SORCS3: variants seen among roughly 807,000 people sequenced by gnomAD.
SORCS3 encodes the protein sortilin related VPS10 domain containing receptor 3.
A neutral mutation model predicts 146.3 loss-of-function variants in SORCS3; 57 were observed. The observed-to-expected ratio is 0.39, with a 90% CI of 0.31 to 0.49. The LOEUF (loss-of-function observed/expected upper bound fraction) is 0.49, where lower values mean the gene tolerates loss of function less well. SORCS3 is among the 20% of genes least tolerant of loss of function. SORCS3 has a pLI of 0.92. For synonymous variants in SORCS3, 653 were observed against 618.5 expected, an observed-to-expected ratio of 1.06 and a Z score of -0.83; for missense variants, 1,341 against 1,575.5, an observed-to-expected ratio of 0.85 and a Z score of 2.52.
chr10:104,720,665 C>A (rs532114280), intron 1 of SORCS3, among the ~76,000 whole-genome samples: 38 of 152,176 alleles, frequency 2.5e-4, no homozygotes, highest in South Asian at 1.0e-3. Context: ...AATGATCGCC[C>A]TTCTAACTGG....
intron 7 of SORCS3, among the ~76,000 whole-genome samples, chr10:105,116,485 A>G (rs1027659847): frequency 1.3e-5 from 2 of 152,204 alleles, no homozygotes; most frequent in Non-Finnish European, 2.9e-5. Flanking sequence ...GCAATTTCTC[A>G]AAGAACTTAA....
chr10:104,763,469 G>A (rs2017144786), intron 1 of SORCS3, among the ~76,000 whole-genome samples: 1 of 152,158 alleles, frequency 6.6e-6, no homozygotes, highest in South Asian at 2.1e-4. Context: ...AGGATTTACT[G>A]TTCATTCAGC....
At chr10:104,972,973 T>C (rs2054870110) in intron 3 of SORCS3, among the ~76,000 whole-genome samples, 3 of 152,196 alleles carry the variant, frequency 2.0e-5, no homozygotes, top group Admixed American at 2.0e-4. Context: ...TTGTCTTTGG[T>C]TCTGTTTATA....
intron 5 of SORCS3, among the ~76,000 whole-genome samples, chr10:105,047,417 C>G (rs1391162799): frequency 1.3e-5 from 2 of 152,098 alleles, no homozygotes; most frequent in Non-Finnish European, 2.9e-5. Flanking sequence ...CTTAATTATT[C>G]TTTCTCTTGA....
intron 12 of SORCS3, among the ~76,000 whole-genome samples, chr10:105,164,623 A>G (rs2056297069): frequency 6.6e-6 from 1 of 152,188 alleles, no homozygotes; most frequent in African/African-American, 2.4e-5. Flanking sequence ...TCCTTCAGCC[A>G]TATGTATGTA....
chr10:105,263,928 CT>C lies in SORCS3; in HGVS notation c.*559del, dbSNP rs1179267644. 6.5e-6 allele frequency: 1 copy of C among 152,680 alleles called. No homozygotes were observed. The highest frequency in any genetic ancestry group is 1.5e-5 in the Non-Finnish European group (1 of 68,122). 9.5% of individuals were successfully genotyped at this position (152,680 alleles called of 1,614,324 possible). ...TTGTATATAATTACAATGTAAATAG[CT>C]TTTTATTTCCTAAGAAATAATTTAA... On this transcript the variant is annotated 3_prime_UTR_variant, in exon 27 of 27. Transcript: ENST00000369701.
intron 1 of SORCS3, among the ~76,000 whole-genome samples, chr10:104,693,038 G>T (rs1253765734): frequency 7.2e-5 from 11 of 152,202 alleles, no homozygotes; most frequent in Admixed American, 7.2e-4. Flanking sequence ...TACCCCAGGG[G>T]CATTCCTCAT....
At chr10:104,896,084 A>G (rs1022599689) in intron 2 of SORCS3, among the ~76,000 whole-genome samples, 8 of 152,142 alleles carry the variant, frequency 5.3e-5, no homozygotes, top group African/African-American at 1.7e-4. Context: ...TTTTCTGGCC[A>G]GAGTCCATTT....
intron 2 of SORCS3, among the ~76,000 whole-genome samples, chr10:104,875,599 A>G (rs777714439): frequency 1.3e-5 from 2 of 152,058 alleles, no homozygotes; most frequent in Non-Finnish European, 2.9e-5. Flanking sequence ...CTTAAGATAA[A>G]CCTTTGAAAT....
chr10:105,098,753 TGTTGTC>T (rs1157230160), intron 6 of SORCS3, among the ~76,000 whole-genome samples: 3 of 152,224 alleles, frequency 2.0e-5, no homozygotes, highest in Admixed American at 6.5e-5. Context: ...AAAATGCTAC[TGTTGTC>T]ATCGTCATTG....
chr10:105,179,018 A>T (rs942620519), intron 14 of SORCS3, among the ~76,000 whole-genome samples: 11 of 152,170 alleles, frequency 7.2e-5, no homozygotes, highest in African/African-American at 2.2e-4. Flanking sequence ...ATTTCTTTAT[A>T]GTTTGAATTA....
At chr10:105,011,359 C>A (rs1411146470) in intron 4 of SORCS3, among the ~76,000 whole-genome samples, 1 of 152,032 alleles carries the variant, frequency 6.6e-6, no homozygotes, top group African/African-American at 2.4e-5. Context: ...CTCCTCTGAC[C>A]CCAGAAAAAC....
intron 1 of SORCS3, among the ~76,000 whole-genome samples, chr10:104,736,787 T>A (rs975874890): frequency 4.2e-5 from 6 of 142,770 alleles, no homozygotes; most frequent in Non-Finnish European, 7.7e-5. Context: ...TTTTTTTTTT[T>A]ATTATTATTA....
chr10:104,914,761 T>G (rs2019007393), intron 2 of SORCS3, among the ~76,000 whole-genome samples: 1 of 152,134 alleles, frequency 6.6e-6, no homozygotes, highest in Non-Finnish European at 1.5e-5. Context: ...CTGGGGGTGG[T>G]GGTTACTAGG....
At chr10:104,877,315 C>T (rs2018586495) in intron 2 of SORCS3, among the ~76,000 whole-genome samples, 1 of 152,022 alleles carries the variant, frequency 6.6e-6, no homozygotes, top group Non-Finnish European at 1.5e-5. Flanking sequence ...TCACTTTCTC[C>T]ATCTTTCATT....
chr10:104,848,215 T>C (rs1367029144), intron 2 of SORCS3, among the ~76,000 whole-genome samples: 9 of 152,186 alleles, frequency 5.9e-5, no homozygotes. Flanking sequence ...AGTTGTCTCA[T>C]ACTCCTGCCA....
chr10:104,975,481 C>T (rs529585673), intron 3 of SORCS3, among the ~76,000 whole-genome samples: 1 of 152,160 alleles, frequency 6.6e-6, no homozygotes, highest in Non-Finnish European at 1.5e-5. Context: ...AATGGCCATA[C>T]TGCCCAAGGT....
intron 2 of SORCS3, among the ~76,000 whole-genome samples, chr10:104,905,857 G>A (rs1326618793): frequency 6.6e-6 from 1 of 152,192 alleles, no homozygotes; most frequent in Non-Finnish European, 1.5e-5. Context: ...GACTCTGGGA[G>A]GGGAGGTATT....
chr10:104,887,972 G>GGTGCC (rs1366086516), intron 2 of SORCS3, among the ~76,000 whole-genome samples: 2 of 90,812 alleles, frequency 2.2e-5, no homozygotes, highest in Admixed American at 9.2e-5. Flanking sequence ...GGGGGCGGGG[G>GGTGCC]CGGAGCAAGC....
Sources: allele counts gnomAD v4.1 joint callset (sites outside exome capture counted in the v4.1 genomes callset), GRCh38; gene constraint gnomAD v4.1.1; transcripts MANE v1.5; gene names NCBI Gene and HGNC (gene_info 2026-07-23, HGNC 2026-07-21).